ANKRD17: variants seen among roughly 807,000 people sequenced by gnomAD.
ANKRD17 encodes ankyrin repeat domain 17.
Under a neutral mutation model 229.7 loss-of-function variants are expected in ANKRD17, and 19 were observed. The ratio of observed to expected loss-of-function variants is 0.08; its 90% CI spans 0.06 to 0.12. ANKRD17 has a LOEUF of 0.12. Among genes scored for constraint, ANKRD17 ranks in the 10% least tolerant of loss-of-function variants. ANKRD17 has a pLI of 1.00. For missense variants in ANKRD17, 2,176 were observed against 3,176.8 expected, an observed-to-expected ratio of 0.68 and a Z score of 7.57; for synonymous variants, 1,112 against 1,146.1, an observed-to-expected ratio of 0.97 and a Z score of 0.60.
intron 7 of ANKRD17, among the ~76,000 whole-genome samples, chr4:73,149,537 T>A (rs1172992382): frequency 6.6e-6 from 1 of 152,142 alleles, no homozygotes; most frequent in African/African-American, 2.4e-5. Context: ...GCGTACATGG[T>A]ACTTTCTATA....
chr4:73,156,096 T>C lies in ANKRD17; in HGVS notation c.775A>G (p.Ser259Gly). Residue 259 changes from serine (S) to glycine (G), a missense_variant, in exon 4 of 34, where the codon AGT becomes GGT. This residue lies in a region of ANKRD17 where 184 missense variants were observed against 357.8 expected (regional missense o/e 0.51). Transcript: ENST00000358602. ...CCTTCCTCTGTGTGTTCATTTACACTTCGCCCTTCAATGAGTAACTTTCGC... is the reference window on the plus strand; with the variant it reads ...CCTTCCTCTGTGTGTTCATTTACACCTCGCCCTTCAATGAGTAACTTTCGC... ...AVRKLLIEGR[S>G]VNEHTEEGES... 1 of 1,613,750 alleles carries C rather than the reference T, an allele frequency of 6.2e-7. No individual in the cohort carries two copies. Among genetic ancestry groups the C allele is most frequent in the Non-Finnish European group, 8.5e-7 (1 of 1,179,926 alleles).
intron 2 of ANKRD17, among the ~76,000 whole-genome samples, chr4:73,163,506 C>T (rs1732809658): frequency 6.6e-6 from 1 of 152,148 alleles, no homozygotes; most frequent in South Asian, 2.1e-4. Context: ...TTACAACAAA[C>T]TAGTTAACTA....
At chr4:73,099,391 C>T (rs1412860951) in intron 25 of ANKRD17, among the ~76,000 whole-genome samples, 1 of 152,176 alleles carries the variant, frequency 6.6e-6, no homozygotes, top group Non-Finnish European at 1.5e-5. Flanking sequence ...TCCCCGCAAC[C>T]ACCCACACAT....
At chr4:73,106,878 T>TAAAAA (rs35011113) in intron 24 of ANKRD17, among the ~76,000 whole-genome samples, 1 of 49,256 alleles carries the variant, frequency 2.0e-5, no homozygotes, top group African/African-American at 8.2e-5. Context: ...ACTCCGTCTT[T>TAAAAA]AAAAAAAAAA....
chr4:73,165,892 C>T (rs1297621378), intron 2 of ANKRD17, among the ~76,000 whole-genome samples: 2 of 152,158 alleles, frequency 1.3e-5, no homozygotes, highest in Non-Finnish European at 2.9e-5. Flanking sequence ...TTGCAAGGAA[C>T]TAAATTCTGC....
At chr4:73,135,345 A>C in intron 15 of ANKRD17, 80 bp from the exon 16 acceptor site, 1 of 1,378,944 alleles carries the variant, frequency 7.3e-7, no homozygotes. Flanking sequence ...AAAAATATTT[A>C]AAGACTTCTT....
chr4:73,143,752 T>C (rs766549940), intron 11 of ANKRD17, among the ~76,000 whole-genome samples: 24 of 151,864 alleles, frequency 1.6e-4, no homozygotes, highest in Non-Finnish European at 2.9e-4. Flanking sequence ...CATCTTTTTT[T>C]TGTTTTGAGA....
intron 1 of ANKRD17, among the ~76,000 whole-genome samples, chr4:73,183,639 A>T (rs1028998665): frequency 2.0e-5 from 3 of 151,960 alleles, no homozygotes; most frequent in African/African-American, 7.3e-5. Flanking sequence ...AGGCCCACCT[A>T]GATTTTTGTG....
At chr4:73,203,626 C>G (rs1376239834) in intron 1 of ANKRD17, among the ~76,000 whole-genome samples, 2 of 151,676 alleles carry the variant, frequency 1.3e-5, no homozygotes, top group Non-Finnish European at 2.9e-5. Context: ...GGCTTGGTGG[C>G]TGATGCCTGT....
rs138578856 is a variant in ANKRD17 at position 73,209,412 on chromosome 4, T to C, written c.394-31879A>G. Among the ~76,000 whole-genome samples the C allele has an allele frequency of 4.0e-3, 603 of 152,202 alleles. 2 individuals are homozygous for C. Among genetic ancestry groups the C allele is most frequent in the Non-Finnish European group, 5.1e-3 (349 of 68,004 alleles). On this transcript the variant is annotated intron_variant, in intron 1 of 33. Transcript: ENST00000358602. ...ATTAATTCAACACCACAGACTGAAATTGACAAAGTCCTTGCAAATCACAAT... is the reference window on the plus strand; with the variant it reads ...ATTAATTCAACACCACAGACTGAAACTGACAAAGTCCTTGCAAATCACAAT...
intron 2 of ANKRD17, among the ~76,000 whole-genome samples, chr4:73,172,756 G>C (rs1255782510): frequency 6.6e-6 from 1 of 152,008 alleles, no homozygotes; most frequent in Admixed American, 6.6e-5. Flanking sequence ...TTAAAATAAT[G>C]GGTTATAAGA....
At position 73,094,082 on chromosome 4, in the gene ANKRD17, A is replaced by G; in HGVS notation, c.5324T>C (p.Ile1775Thr). Residue 1775 changes from isoleucine (I) to threonine (T), a missense_variant, in exon 28 of 34, where the codon ATA becomes ACA. Transcript: ENST00000358602. ...AATGTAAGAGACAAAGTTTTGCCTT[A>G]TAGTGATTATCCGGTCTCCAGTCTT... ...KDKTGDRIIT[I>T]RGGTESTRQA... 1 of 1,613,614 alleles carries G rather than the reference A, an allele frequency of 6.2e-7. No homozygotes were observed. Among genetic ancestry groups the G allele is most frequent in the Non-Finnish European group, 8.5e-7 (1 of 1,179,698 alleles).
intron 27 of ANKRD17, 152 bp from the exon 28 acceptor site, chr4:73,094,380 C>G: frequency 1.4e-6 from 1 of 694,740 alleles, no homozygotes; most frequent in Non-Finnish European, 2.3e-6. Flanking sequence ...TCTAGATGAA[C>G]AGAGAAAAGG....
intron 1 of ANKRD17, among the ~76,000 whole-genome samples, chr4:73,235,719 C>T (rs1450105125): frequency 2.6e-5 from 4 of 152,102 alleles, no homozygotes; most frequent in African/African-American, 9.7e-5. Context: ...TTATTTAGTA[C>T]ATCTTATCTT....
chr4:73,193,092 A>AC (rs1206351668), intron 1 of ANKRD17, among the ~76,000 whole-genome samples: 1 of 152,196 alleles, frequency 6.6e-6, no homozygotes, highest in African/African-American at 2.4e-5. Flanking sequence ...GCAATCATGT[A>AC]CCACTACCTT....
chr4:73,176,902 G>C, intron 2 of ANKRD17, among the ~76,000 whole-genome samples: 1 of 152,110 alleles, frequency 6.6e-6, no homozygotes, highest in African/African-American at 2.4e-5. Context: ...TCACAAAAAT[G>C]TGTAAAACCT....
At chr4:73,106,356 CT>C (rs749119745) in intron 24 of ANKRD17, among the ~76,000 whole-genome samples, 2 of 152,084 alleles carry the variant, frequency 1.3e-5, no homozygotes, top group Non-Finnish European at 2.9e-5. Flanking sequence ...GGGAGTTAGG[CT>C]TTATAAGATA....
At position 73,250,869 on chromosome 4, in the gene ANKRD17, G is replaced by A. The variant is rs985353417; in HGVS notation, c.393+7407C>T. Among the ~76,000 whole-genome samples the A allele has an allele frequency of 2.0e-5, 3 of 151,978 alleles. No individual in the cohort carries two copies. The East Asian group carries it at 5.8e-4, about 30-fold the overall frequency. On this transcript the variant is annotated intron_variant, in intron 1 of 33. Coordinates refer to ENST00000358602, the MANE Select transcript of ANKRD17 (RefSeq NM_032217.5). ...CTTACTGGCGGGAGCCACTACGCCCGACTAATTTTTCTATTTTTAGCACTC... is the reference window on the plus strand; with the variant it reads ...CTTACTGGCGGGAGCCACTACGCCCAACTAATTTTTCTATTTTTAGCACTC...
intron 25 of ANKRD17, among the ~76,000 whole-genome samples, chr4:73,099,589 C>G (rs1412659461): frequency 6.6e-6 from 1 of 152,210 alleles, no homozygotes; most frequent in Non-Finnish European, 1.5e-5. Flanking sequence ...AAAAGGGGCC[C>G]AAGCCCCATC....
Sources: allele counts gnomAD v4.1 joint callset (sites outside exome capture counted in the v4.1 genomes callset), GRCh38; gene constraint gnomAD v4.1.1; regional missense constraint gnomAD v4.1.1; transcripts MANE v1.5; gene names NCBI Gene and HGNC (gene_info 2026-07-23, HGNC 2026-07-21).